MAB21L4: variants seen among roughly 807,000 people sequenced by gnomAD.
The protein encoded by MAB21L4 is protein mab-21-like 4.
Under a neutral mutation model 32.4 loss-of-function variants are expected in MAB21L4, and 25 were observed. That is an observed-to-expected ratio of 0.77 (90% CI 0.56 to 1.08). The LOEUF is 1.08. Ranked by LOEUF, MAB21L4 falls within the 50% of genes least tolerant of loss-of-function variation. The probability of loss-of-function intolerance (pLI) is 0.00; values close to 1 mark genes in which losing one functional copy is unlikely to be tolerated. For missense variants in MAB21L4, 638 were observed against 611.0 expected, an observed-to-expected ratio of 1.04 and a Z score of -0.47; for synonymous variants, 280 against 276.8, an observed-to-expected ratio of 1.01 and a Z score of -0.11.
chr2:240,895,833 G>A lies in MAB21L4; in HGVS notation c.165C>T (p.Pro55=). 6.3e-7 allele frequency: 1 copy of A among 1,586,500 alleles called. No homozygotes were observed. The highest frequency in any genetic ancestry group is 8.6e-7 in the Non-Finnish European group (1 of 1,163,780). Residue 55 remains proline (P), a synonymous_variant, in exon 1 of 5, where the codon CCC becomes CCT. Coordinates refer to ENST00000388934, the MANE Select transcript of MAB21L4 (RefSeq NM_001085437.3). ...CACGGGAGTAGTCCACGATGAAGCG[G>A]GGGTCCAGGGCATGCACGCGCTCCA... The part of the protein sequence containing the change: ...TVLERVHALD[P]RFIVDYSRGL...
At chr2:240,888,740 C>T in intron 3 of MAB21L4, 92 bp from the exon 4 acceptor site, 5 of 882,198 alleles carry the variant, frequency 5.7e-6, no homozygotes, top group Non-Finnish European at 8.2e-6. Flanking sequence ...CTGGCTGCCC[C>T]TCCCTGCTCC....
chr2:240,891,442 C>T (rs1223370513), intron 2 of MAB21L4, 96 bp downstream of exon 2: 2 of 1,158,674 alleles, frequency 1.7e-6, no homozygotes, highest in East Asian at 4.7e-5. Flanking sequence ...ACGGAGGACC[C>T]TGCAGATCCT....
chr2:240,893,928 C>T lies in MAB21L4; in HGVS notation c.514+1556G>A, dbSNP rs187636289. 2.2e-3 allele frequency among the ~76,000 whole-genome samples: 338 copies of T among 152,098 alleles called. 1 individual carries two copies. Among genetic ancestry groups the T allele is most frequent in the Non-Finnish European group, 3.8e-3 (256 of 67,982 alleles). ...ATTAGAGGTTCAGAAGATGCTGGAGCAGGAAGCCCGAGGGGCTGGGGGCAG... is the reference window on the plus strand; with the variant it reads ...ATTAGAGGTTCAGAAGATGCTGGAGTAGGAAGCCCGAGGGGCTGGGGGCAG... On this transcript the variant is annotated intron_variant, in intron 1 of 4. Transcript: ENST00000388934.
chr2:240,888,187 TG>T, intron 4 of MAB21L4, 104 bp downstream of exon 4: 4 of 941,650 alleles, frequency 4.2e-6, no homozygotes, highest in Non-Finnish European at 6.1e-6. Context: ...TCAGCATTCC[TG>T]GGGCTGCTGA....
At chr2:240,896,203 T>A (rs937245049), upstream of MAB21L4, 4 of 1,250,218 alleles carry the variant, frequency 3.2e-6, no homozygotes, top group Non-Finnish European at 4.0e-6. Flanking sequence ...GAAGTGGGGG[T>A]GAGTCAGTCC....
chr2:240,888,292 C>T lies in MAB21L4; in HGVS notation c.1251G>A (p.Lys417=). The T allele has an allele frequency of 6.4e-7, 1 of 1,551,920 alleles. No homozygotes were observed. Among genetic ancestry groups the T allele is most frequent in the Non-Finnish European group, 8.7e-7 (1 of 1,154,226 alleles). Reference sequence around the variant, plus strand: ...CAAGGCCCCCGCAGCCAGCACCCACCTTGTCCAGCAGGACGTCGAAGTAGG... The same window carrying T: ...CAAGGCCCCCGCAGCCAGCACCCACTTTGTCCAGCAGGACGTCGAAGTAGG... The part of the protein sequence containing the change: ...ATAYFDVLLD[K]FQVFNIQDKD... Residue 417 remains lysine, a splice_region_variant and synonymous_variant, in exon 4 of 5, where the codon AAG becomes AAA. Transcript: ENST00000388934.
chr2:240,888,586 G>A lies in MAB21L4; in HGVS notation c.957C>T (p.Gly319=), dbSNP rs772421951. Residue 319 remains glycine, a synonymous_variant, in exon 4 of 5, where the codon GGC becomes GGT. Coordinates refer to ENST00000388934, the MANE Select transcript of MAB21L4 (RefSeq NM_001085437.3). ...LAPEDWAELQ[G]AVYRLLVVLL... ...GCACCACCAGCAGGCGGTACACGGCGCCCTGCAGTTCTGCCCAGTCCTCGG... is the reference window on the plus strand; with the variant it reads ...GCACCACCAGCAGGCGGTACACGGCACCCTGCAGTTCTGCCCAGTCCTCGG... 32 of 1,606,812 alleles carry A rather than the reference G, an allele frequency of 2.0e-5. No homozygotes were observed. Among genetic ancestry groups the A allele is most frequent in the Admixed American group, 1.2e-4 (7 of 59,720 alleles).
In MAB21L4 at chr2:240,886,559, T is replaced by G. The variant is rs2059096992; in HGVS notation, c.*511A>C. 1 of 152,694 alleles carries G rather than the reference T, an allele frequency of 6.5e-6. No individual in the cohort carries two copies. Among genetic ancestry groups the G allele is most frequent in the Non-Finnish European group, 1.5e-5 (1 of 68,404 alleles). 9.5% of individuals were successfully genotyped at this position (152,694 alleles called of 1,614,324 possible). On this transcript the variant is annotated 3_prime_UTR_variant, in exon 5 of 5. Coordinates refer to ENST00000388934, the MANE Select transcript of MAB21L4 (RefSeq NM_001085437.3). ...TGGGGATGCCTGGGGAAGGGGGTCA[T>G]TCACAGAGAATGGAGAAGACTCAAA...
In MAB21L4 at chr2:240,895,787, C is replaced by G; in HGVS notation, c.211G>C (p.Ala71Pro). The change falls in exon 1 of 5, where the codon GCC becomes CCC. Residue 71 changes from alanine (A) to proline (P), a missense_variant. Physicochemically the swap from Ala to Pro is conservative, Grantham distance 27 (BLOSUM62 -1). Coordinates refer to ENST00000388934, the MANE Select transcript of MAB21L4 (RefSeq NM_001085437.3). The stretch of plus-strand genomic sequence containing the variant: ...ATTGGGTCCTCAGAGGAGCGCAGGG[C>G]GAACTGGAAGGCCTCCAGGCCACGG... ...YSRGLEAFQF[A>P]LRSSEDPMDM... 6.2e-7 allele frequency: 1 copy of G among 1,606,958 alleles called. No homozygotes were observed. Among genetic ancestry groups the G allele is most frequent in the Non-Finnish European group, 8.5e-7 (1 of 1,175,714 alleles).
chr2:240,887,255 C>G (rs1398921939), intron 4 of MAB21L4, 93 bp from the exon 5 acceptor site: 1 of 1,087,418 alleles, frequency 9.2e-7, no homozygotes, highest in African/African-American at 1.5e-5. Context: ...GAACAACTGG[C>G]CCTCCCTGGG....
chr2:240,890,308 G>T, intron 2 of MAB21L4, 150 bp from the exon 3 acceptor site: 1 of 963,714 alleles, frequency 1.0e-6, no homozygotes, highest in Non-Finnish European at 1.5e-6. Flanking sequence ...GGCTTCTCGG[G>T]AGCTGCTGTC....
rs368069678 is a variant in MAB21L4, at chr2:240,888,306, C to A, written c.1237G>T (p.Val413Phe). The A allele has an allele frequency of 3.0e-5, 47 of 1,568,168 alleles. No individual in the cohort carries two copies. Among genetic ancestry groups the A allele is most frequent in the African/African-American group, 4.2e-5 (3 of 72,156 alleles). The change falls in exon 4 of 5, where the codon GTC (valine) becomes TTC (phenylalanine). Residue 413 changes from valine (V) to phenylalanine (F), a missense_variant. By Grantham distance (50) the Val-to-Phe change is conservative. Coordinates refer to ENST00000388934, the MANE Select transcript of MAB21L4 (RefSeq NM_001085437.3). ...CCAGCACCCACCTTGTCCAGCAGGA[C>A]GTCGAAGTAGGCAGTGGCCCAGTAA... The part of the protein sequence containing the change: ...PTYWATAYFD[V>F]LLDKFQVFNI...
intron 3 of MAB21L4, 102 bp downstream of exon 3, chr2:240,889,899 CTCAT>C (rs1362152096): frequency 7.5e-7 from 1 of 1,330,490 alleles, no homozygotes; most frequent in Non-Finnish European, 1.0e-6. Context: ...CGACTTGGGA[CTCAT>C]AGCAGCTGCC....
intron 1 of MAB21L4, 55 bp from the exon 2 acceptor site, chr2:240,891,818 C>G: frequency 6.2e-7 from 1 of 1,601,014 alleles, no homozygotes; most frequent in Non-Finnish European, 8.5e-7. Context: ...GCCCAGGACA[C>G]TCCACAGCCC....
At position 240,887,175 on chromosome 2, in the gene MAB21L4, T is replaced by C; in HGVS notation, c.1252-13A>G. ...TGAAGACCTGGAACTACAGGCAGGG[T>C]TGCAGGGGAGAAGGGTTACAGGGAC... is the stretch of plus-strand genomic sequence containing the variant. On this transcript the variant is annotated splice_polypyrimidine_tract_variant and intron_variant, in intron 4 of 4. Coordinates refer to ENST00000388934, the MANE Select transcript of MAB21L4 (RefSeq NM_001085437.3). 2 of 1,611,010 alleles carry C rather than the reference T, an allele frequency of 1.2e-6. No individual in the cohort carries two copies. The highest frequency in any genetic ancestry group is 1.7e-6 in the Non-Finnish European group (2 of 1,177,276).
Position 240,891,626 on chromosome 2 carries a change from G to C in MAB21L4, c.652C>G (p.Gln218Glu). ...KLGAPALEGV[Q>E]QMPGFPEGSL... The stretch of plus-strand genomic sequence containing the variant: ...CCCTCAGGGAATCCGGGCATCTGCT[G>C]CACCCCCTCCAGGGCAGGCGCCCCA... Residue 218 changes from glutamine to glutamate, a missense_variant, in exon 2 of 5, where the codon CAG becomes GAG. By Grantham distance (29) the Gln-to-Glu change is conservative. Coordinates refer to ENST00000388934, the MANE Select transcript of MAB21L4 (RefSeq NM_001085437.3). The C allele has an allele frequency of 6.2e-7, 1 of 1,609,408 alleles. No individual in the cohort carries two copies. The highest frequency in any genetic ancestry group is 8.5e-7 in the Non-Finnish European group (1 of 1,179,966).
chr2:240,890,239 C>T (rs1005166227), intron 2 of MAB21L4, 81 bp from the exon 3 acceptor site: 6 of 1,504,392 alleles, frequency 4.0e-6, no homozygotes, highest in East Asian at 4.7e-5. Context: ...CCCGGAGGTT[C>T]GGGCCCTGGC....
chr2:240,891,064 G>C (rs747186859), intron 2 of MAB21L4, among the ~76,000 whole-genome samples: 1 of 152,218 alleles, frequency 6.6e-6, no homozygotes. Flanking sequence ...TCTGGATGGG[G>C]TGCGGTCCCT....
intron 3 of MAB21L4, 24 bp downstream of exon 3, chr2:240,889,981 C>T: frequency 6.3e-7 from 1 of 1,588,434 alleles, no homozygotes; most frequent in Non-Finnish European, 8.6e-7. Context: ...TGACAGACAA[C>T]CCGCCGAGTC....
Sources: allele counts gnomAD v4.1 joint callset (sites outside exome capture counted in the v4.1 genomes callset), GRCh38; gene constraint gnomAD v4.1.1; transcripts MANE v1.5; gene names NCBI Gene and HGNC (gene_info 2026-07-23, HGNC 2026-07-21).